RANBP17: variants seen among roughly 807,000 people sequenced by gnomAD.
The protein encoded by RANBP17 is ran-binding protein 17.
A neutral mutation model predicts 141.2 loss-of-function variants in RANBP17; 158 were observed. That is an observed-to-expected ratio of 1.12 (90% CI 0.98 to 1.28). RANBP17 has a LOEUF of 1.28. Among genes scored for constraint, RANBP17 ranks in the 50% most tolerant of loss-of-function variants. The pLI is 0.00. For synonymous variants in RANBP17, 430 were observed against 450.0 expected (o/e 0.96, Z 0.56); for missense variants, 1,438 against 1,290.7 (o/e 1.11, Z -1.75).
intron 25 of RANBP17, among the ~76,000 whole-genome samples, chr5:171,281,682 A>T (rs1767872017): frequency 6.6e-6 from 1 of 152,220 alleles, no homozygotes; most frequent in South Asian, 2.1e-4. Flanking sequence ...TCCCTAGCAC[A>T]GTACCAGACA....
At chr5:171,258,146 CA>C in intron 24 of RANBP17, among the ~76,000 whole-genome samples, 2 of 150,766 alleles carry the variant, frequency 1.3e-5, no homozygotes, top group South Asian at 2.1e-4. Flanking sequence ...CACACACACA[CA>C]CACACACACA....
chr5:171,071,653 CAAAAAAAAAA>C (rs34555837), intron 14 of RANBP17, among the ~76,000 whole-genome samples: 5 of 69,618 alleles, frequency 7.2e-5, no homozygotes, highest in Non-Finnish European at 1.3e-4. Flanking sequence ...CAGCTTTATG[CAAAAAAAAAA>C]AAAAAAAAAA....
chr5:171,071,746 A>G (rs546152338), intron 14 of RANBP17, among the ~76,000 whole-genome samples: 25 of 152,048 alleles, frequency 1.6e-4, no homozygotes, highest in African/African-American at 6.0e-4. Flanking sequence ...TAGAACTAAA[A>G]TGTATAACAT....
chr5:171,288,019 G>C (rs1242515276), intron 25 of RANBP17, among the ~76,000 whole-genome samples: 1 of 152,098 alleles, frequency 6.6e-6, no homozygotes, highest in Non-Finnish European at 1.5e-5. Flanking sequence ...AAGGGAAATT[G>C]GCTTAATTTA....
At chr5:171,152,294 C>T (rs1156836967) in intron 14 of RANBP17, among the ~76,000 whole-genome samples, 1 of 151,620 alleles carries the variant, frequency 6.6e-6, no homozygotes, top group Non-Finnish European at 1.5e-5. Flanking sequence ...GTGGCACATG[C>T]CTGCAATCCC....
rs769742239 is a variant in RANBP17, at chr5:170,955,681, T to TATATATATATATATATATATATATACAC, written c.1574+1980_1574+1981insTATATATATATATATATATATATACACA. ...ATATATATATATATATATATATATA[T>TATATATATATATATATATATATATACAC]ACACTGAATGAACTCTGTAGAGGAA... On this transcript the variant is annotated intron_variant, in intron 13 of 27. Transcript: ENST00000523189. Among the ~76,000 whole-genome samples, 232 of 39,054 alleles carry TATATATATATATATATATATATATACAC rather than the reference T, an allele frequency of 5.9e-3. 40 individuals are homozygous for TATATATATATATATATATATATATACAC. Among genetic ancestry groups the TATATATATATATATATATATATATACAC allele is most frequent in the South Asian group, 0.014 (9 of 664 alleles). 25.6% of individuals were successfully genotyped at this position (39,054 alleles called of 152,430 possible). A position where few individuals can be genotyped will look rare whatever the true frequency, so the allele number is the denominator to read the frequency against.
intron 12 of RANBP17, among the ~76,000 whole-genome samples, chr5:170,939,798 A>T (rs935367023): frequency 6.6e-6 from 1 of 152,206 alleles, no homozygotes; most frequent in African/African-American, 2.4e-5. Context: ...TCAGAGAGAG[A>T]GTCGGGGGAG....
chr5:170,865,521 C>T (rs953452144), intron 1 of RANBP17, among the ~76,000 whole-genome samples: 5 of 152,218 alleles, frequency 3.3e-5, no homozygotes, highest in Non-Finnish European at 5.9e-5. Context: ...ACTCTCTACT[C>T]GCATTCCCAG....
At chr5:171,084,208 A>T (rs940466486) in intron 14 of RANBP17, among the ~76,000 whole-genome samples, 2 of 148,214 alleles carry the variant, frequency 1.3e-5, no homozygotes, top group Non-Finnish European at 3.0e-5. Flanking sequence ...GAGAATATGC[A>T]GTGTTTGTTT....
At chr5:171,042,968 G>A (rs377417227) in intron 14 of RANBP17, among the ~76,000 whole-genome samples, 72 of 152,136 alleles carry the variant, frequency 4.7e-4, no homozygotes, top group African/African-American at 1.5e-3. Flanking sequence ...TACTTAGTGG[G>A]CACAAAAGTG....
Position 171,010,799 on chromosome 5 carries a change from A to G in RANBP17, c.1710+42422A>G, listed in dbSNP as rs186886942. ...TAAGTTTATACCAGTAAATTTGACA[A>G]CTTAGAGAAAAATGACAAAATCTTT... is the stretch of plus-strand genomic sequence containing the variant. On this transcript the variant is annotated intron_variant, in intron 14 of 27. Transcript: ENST00000523189. 4.0e-3 allele frequency among the ~76,000 whole-genome samples: 614 copies of G among 152,284 alleles called. 5 individuals are homozygous for G. The highest frequency in any genetic ancestry group is 0.014 in the African/African-American group (592 of 41,568).
At chr5:171,214,947 A>G (rs1489784379) in intron 21 of RANBP17, among the ~76,000 whole-genome samples, 1 of 152,110 alleles carries the variant, frequency 6.6e-6, no homozygotes, top group Non-Finnish European at 1.5e-5. Context: ...TTTGTTACAT[A>G]GGTATACATG....
chr5:170,994,230 C>T (rs1237094554), intron 14 of RANBP17, among the ~76,000 whole-genome samples: 1 of 151,972 alleles, frequency 6.6e-6, no homozygotes, highest in African/African-American at 2.4e-5. Flanking sequence ...AGTCTTGTTT[C>T]ACCTGTTTAT....
chr5:171,155,170 TAATG>T (rs1410721790), intron 14 of RANBP17, among the ~76,000 whole-genome samples: 1 of 147,850 alleles, frequency 6.8e-6, no homozygotes, highest in African/African-American at 2.5e-5. Flanking sequence ...TATATGGAGT[TAATG>T]ATACCTAGCT....
chr5:170,954,008 C>A (rs1775409008), intron 13 of RANBP17, among the ~76,000 whole-genome samples: 1 of 152,036 alleles, frequency 6.6e-6, no homozygotes, highest in Non-Finnish European at 1.5e-5. Context: ...GGAAAGGTGG[C>A]AAAATTGGGT....
At chr5:171,135,936 C>G (rs1157354868) in intron 14 of RANBP17, among the ~76,000 whole-genome samples, 1 of 152,108 alleles carries the variant, frequency 6.6e-6, no homozygotes, top group Non-Finnish European at 1.5e-5. Context: ...TTTGCTTTAT[C>G]AAGTTTAAAG....
intron 5 of RANBP17, among the ~76,000 whole-genome samples, chr5:170,901,988 GA>G (rs2127404570): frequency 6.6e-6 from 1 of 152,162 alleles, no homozygotes; most frequent in Admixed American, 6.5e-5. Context: ...TGAATCTGAC[GA>G]TTATGTGTCT....
chr5:171,103,288 G>T (rs1281703271), intron 14 of RANBP17, among the ~76,000 whole-genome samples: 2 of 152,194 alleles, frequency 1.3e-5, no homozygotes, highest in Non-Finnish European at 2.9e-5. Flanking sequence ...TTCTTTTAGA[G>T]ATGCCCTGCC....
chr5:171,225,823 A>C (rs528780136), intron 22 of RANBP17, among the ~76,000 whole-genome samples: 1 of 152,346 alleles, frequency 6.6e-6, no homozygotes, highest in South Asian at 2.1e-4. Flanking sequence ...CAGAAAAATA[A>C]TACTTTTGAT....
Sources: gnomAD v4.1 joint callset for allele counts (sites outside exome capture counted in the v4.1 genomes callset) on GRCh38, gnomAD v4.1.1 for gene constraint, MANE v1.5 for transcripts, NCBI Gene and HGNC (gene_info 2026-07-23, HGNC 2026-07-21) for gene names.